USP34: variants seen among roughly 807,000 people sequenced by gnomAD.
USP34 encodes the protein ubiquitin specific peptidase 34.
A neutral mutation model predicts 460.3 loss-of-function variants in USP34; 70 were observed. The ratio of observed to expected loss-of-function variants is 0.15; its 90% CI spans 0.13 to 0.19. USP34 has a LOEUF of 0.19. Ranked by LOEUF, USP34 falls within the 10% of genes least tolerant of loss-of-function variation. The pLI is 1.00. For missense variants in USP34, 3,985 were observed against 4,236.2 expected, an observed-to-expected ratio of 0.94 and a Z score of 1.65; for synonymous variants, 1,647 against 1,405.3, an observed-to-expected ratio of 1.17 and a Z score of -3.85.
At chr2:61,440,036 C>T (rs1376052159) in intron 1 of USP34, among the ~76,000 whole-genome samples, 1 of 152,158 alleles carries the variant, frequency 6.6e-6, no homozygotes, top group Admixed American at 6.5e-5. Flanking sequence ...AGGCCCTGGG[C>T]ATCAGGCTGT....
At chr2:61,403,561 T>C in intron 3 of USP34, among the ~76,000 whole-genome samples, 1 of 152,330 alleles carries the variant, frequency 6.6e-6, no homozygotes, top group East Asian at 1.9e-4. Context: ...TAATATATTT[T>C]ATATCATGTA....
At chr2:61,266,207 T>G in intron 41 of USP34, 40 bp from the exon 42 acceptor site, 1 of 1,546,974 alleles carries the variant, frequency 6.5e-7, no homozygotes, top group South Asian at 1.2e-5. Flanking sequence ...AACTGAGATA[T>G]TAATTACATT....
chr2:61,221,435 G>A, intron 66 of USP34, 67 bp downstream of exon 66: 2 of 1,389,906 alleles, frequency 1.4e-6, no homozygotes, highest in Non-Finnish European at 2.0e-6. Context: ...TAAAATGGTA[G>A]TGACTATATT....
rs1315418469 is a variant in USP34, at chr2:61,188,485, G to C, written c.10258C>G (p.Pro3420Ala). 6.2e-7 allele frequency: 1 copy of C among 1,614,204 alleles called. No individual in the cohort carries two copies. The highest frequency in any genetic ancestry group is 1.3e-5 in the African/African-American group (1 of 75,050). The change falls in exon 80 of 80, where the codon CCA becomes GCA. Residue 3420 changes from proline to alanine, a missense_variant. By Grantham distance (27) the Pro-to-Ala change is conservative (BLOSUM62 -1). Coordinates refer to ENST00000398571, the MANE Select transcript of USP34 (RefSeq NM_014709.4). ...SSVKEYRMEVPSSFSEDMSNI... is the reference protein window; with the variant it reads ...SSVKEYRMEVASSFSEDMSNI... ...GACATGTCTTCTGAAAACGAAGATGGAACTTCCATTCGGTATTCTTTAACA... is the reference window on the plus strand; with the variant it reads ...GACATGTCTTCTGAAAACGAAGATGCAACTTCCATTCGGTATTCTTTAACA...
chr2:61,407,494 G>T (rs761104652), intron 2 of USP34, among the ~76,000 whole-genome samples: 1 of 152,190 alleles, frequency 6.6e-6, no homozygotes, highest in Non-Finnish European at 1.5e-5. Flanking sequence ...AATAGCATCA[G>T]ATCAAAACAA....
intron 59 of USP34, 72 bp downstream of exon 59, chr2:61,229,476 C>CAAAAAAAAAAAAAAAAAAAAAAAAAAAA (rs70959901): frequency 5.6e-6 from 2 of 358,306 alleles, no homozygotes; most frequent in African/African-American, 3.3e-5. Context: ...AAAAAAAAAA[C>CAAAAAAAAAAAAAAAAAAAAAAAAAAAA]AAAAAAAAAA....
chr2:61,304,077 T>C (rs1572916381), intron 27 of USP34, among the ~76,000 whole-genome samples: 1 of 152,102 alleles, frequency 6.6e-6, no homozygotes, highest in Non-Finnish European at 1.5e-5. Flanking sequence ...TTTGTATTTT[T>C]AGTAGAGACA....
intron 7 of USP34, among the ~76,000 whole-genome samples, chr2:61,379,768 T>C (rs1182638346): frequency 2.0e-5 from 3 of 152,372 alleles, no homozygotes; most frequent in East Asian, 1.9e-4. Context: ...TTTAAGACTA[T>C]TCAAAACAAA....
chr2:61,379,896 A>G (rs1250781930), intron 7 of USP34, among the ~76,000 whole-genome samples: 2 of 152,246 alleles, frequency 1.3e-5, no homozygotes, highest in African/African-American at 2.4e-5. Context: ...TAAACATAAA[A>G]ACCTAAATAG....
intron 1 of USP34, among the ~76,000 whole-genome samples, chr2:61,464,717 C>CA (rs35331685): frequency 0.1 from 7,807 of 77,252 alleles, 602 homozygotes; most frequent in African/African-American, 0.18. Context: ...GACTCCGTCT[C>CA]AAAAAAAAAA....
intron 10 of USP34, among the ~76,000 whole-genome samples, chr2:61,357,651 C>G (rs1692146579): frequency 6.6e-6 from 1 of 152,214 alleles, no homozygotes. Context: ...TTGTAATACT[C>G]TCACTTTGAG....
At chr2:61,313,581 A>G (rs1330546136) in intron 25 of USP34, among the ~76,000 whole-genome samples, 1 of 152,178 alleles carries the variant, frequency 6.6e-6, no homozygotes, top group Admixed American at 6.5e-5. Context: ...ATTAATTTGA[A>G]TAAGTTACAC....
chr2:61,408,939 C>T (rs1211296920), intron 2 of USP34, among the ~76,000 whole-genome samples: 4 of 151,992 alleles, frequency 2.6e-5, no homozygotes, highest in Non-Finnish European at 4.4e-5. Flanking sequence ...ACTTGAGTGT[C>T]GGGGGGTGCG....
chr2:61,358,435 T>C (rs140356372), intron 10 of USP34, among the ~76,000 whole-genome samples: 1 of 152,046 alleles, frequency 6.6e-6, no homozygotes, highest in South Asian at 2.1e-4. Flanking sequence ...GGAAGATTCC[T>C]TTCATGATAA....
At chr2:61,274,251 A>G (rs568950222) in intron 41 of USP34, among the ~76,000 whole-genome samples, 2 of 151,782 alleles carry the variant, frequency 1.3e-5, no homozygotes, top group African/African-American at 4.8e-5. Context: ...TTAGCCAGGC[A>G]TGGTGGTGCA....
At chr2:61,291,192 T>C (rs1689840607) in intron 33 of USP34, among the ~76,000 whole-genome samples, 1 of 152,060 alleles carries the variant, frequency 6.6e-6, no homozygotes. Context: ...AATAAGCACA[T>C]GGAAAGATGT....
intron 15 of USP34, among the ~76,000 whole-genome samples, 169 bp from the exon 16 acceptor site, chr2:61,344,198 G>A (rs1572952871): frequency 6.6e-6 from 1 of 151,964 alleles, no homozygotes; most frequent in Non-Finnish European, 1.5e-5. Flanking sequence ...ACTTCACACT[G>A]TCAGAATTAT....
At chr2:61,325,691 A>G (rs1410475192) in intron 20 of USP34, among the ~76,000 whole-genome samples, 2 of 152,198 alleles carry the variant, frequency 1.3e-5, no homozygotes, top group Non-Finnish European at 2.9e-5. Context: ...TTCAAATTAC[A>G]TAAGAAAGCA....
intron 61 of USP34, 74 bp downstream of exon 61, chr2:61,228,571 C>T: frequency 7.2e-7 from 1 of 1,392,564 alleles, no homozygotes. Flanking sequence ...GTTCTAACAT[C>T]TCAGGACTTC....
Sources: allele counts gnomAD v4.1 joint callset (sites outside exome capture counted in the v4.1 genomes callset), GRCh38; gene constraint gnomAD v4.1.1; transcripts MANE v1.5; gene names NCBI Gene and HGNC (gene_info 2026-07-23, HGNC 2026-07-21).